Variants in ESRRB observed in about 807,000 individuals in gnomAD.
ESRRB encodes steroid hormone receptor ERR2.
ESRRB carries 16 observed loss-of-function variants against 46.0 expected under a neutral mutation model. The observed-to-expected ratio is 0.35, with a 90% CI of 0.24 to 0.53. The LOEUF (loss-of-function observed/expected upper bound fraction) is 0.53. Ranked by LOEUF, ESRRB falls within the 20% of genes least tolerant of loss-of-function variation. ESRRB has a pLI of 0.93. For missense variants in ESRRB, 488 were observed against 607.4 expected (o/e 0.80, Z 2.07); for synonymous variants, 246 against 259.6 (o/e 0.95, Z 0.50).
At chr14:76,433,212 G>C (rs916728490) in intron 1 of ESRRB, among the ~76,000 whole-genome samples, 1 of 152,144 alleles carries the variant, frequency 6.6e-6, no homozygotes, top group Non-Finnish European at 1.5e-5. Context: ...AAGCCCCTCA[G>C]CTGCCTCCGA....
At chr14:76,489,583 G>T (rs758498146) in intron 5 of ESRRB, among the ~76,000 whole-genome samples, 2 of 152,046 alleles carry the variant, frequency 1.3e-5, no homozygotes, top group Non-Finnish European at 2.9e-5. Flanking sequence ...ATCACCCATG[G>T]ATTCCATTAG....
intron 1 of ESRRB, among the ~76,000 whole-genome samples, chr14:76,427,170 G>A (rs920558319): frequency 9.2e-5 from 14 of 152,170 alleles, no homozygotes; most frequent in African/African-American, 2.9e-4. Context: ...CTCTTGAGCT[G>A]TCCATCTTAC....
intron 1 of ESRRB, among the ~76,000 whole-genome samples, chr14:76,346,022 T>C (rs2139755932): frequency 6.6e-6 from 1 of 152,254 alleles, no homozygotes; most frequent in Admixed American, 6.5e-5. Context: ...GATCTGTCCA[T>C]GCCTCTCTCC....
At chr14:76,361,949 G>A (rs746472720) in intron 1 of ESRRB, among the ~76,000 whole-genome samples, 3 of 152,164 alleles carry the variant, frequency 2.0e-5, no homozygotes, top group Admixed American at 6.5e-5. Context: ...TTGGGAATAG[G>A]AGCCTTATGA....
In ESRRB at chr14:76,376,351, T is replaced by C; in HGVS notation, c.-51T>C. On this transcript the variant is annotated 5_prime_UTR_variant, in exon 1 of 7. Coordinates refer to ENST00000644823, the MANE Select transcript of ESRRB (RefSeq NM_001379180.1). The surrounding 1 kb of genome is among the most constrained non-coding windows in gnomAD (Gnocchi z 4.1). The stretch of plus-strand genomic sequence containing the variant: ...CGTGCCCTTCACTCGCTCTTCCGCG[T>C]GATTTCCCCGCCGTCTTTCTCTACC... 8.2e-7 allele frequency: 1 copy of C among 1,214,492 alleles called. No homozygotes were observed. Among genetic ancestry groups the C allele is most frequent in the Non-Finnish European group, 1.0e-6 (1 of 972,318 alleles). 75.2% of individuals were successfully genotyped at this position (1,214,492 alleles called of 1,614,324 possible). A position where few individuals can be genotyped will look rare whatever the true frequency, so the allele number is the denominator to read the frequency against.
intron 1 of ESRRB, among the ~76,000 whole-genome samples, chr14:76,414,289 A>G (rs1039099700): frequency 7.1e-5 from 10 of 139,882 alleles, no homozygotes; most frequent in Non-Finnish European, 1.5e-4. Context: ...GCTCCACCCC[A>G]GCTGTGACCT....
Position 76,482,153 on chromosome 14 carries a change from T to A in ESRRB, c.688+27T>A. The A allele has an allele frequency of 6.6e-7, 1 of 1,515,440 alleles. No homozygotes were observed. Among genetic ancestry groups the A allele is most frequent in the Non-Finnish European group, 9.2e-7 (1 of 1,090,318 alleles). 93.9% of individuals were successfully genotyped at this position (1,515,440 alleles called of 1,614,324 possible). ...TGAGTGTCAGGGCAGTCCCTGCCCC[T>A]TTTGCCAGCATCTGTACCTGGAACA... On this transcript the variant is annotated intron_variant, in intron 4 of 6. Transcript: ENST00000644823. The surrounding 1 kb of genome is among the most constrained non-coding windows in gnomAD (Gnocchi z 4.3).
At chr14:76,469,212 A>G (rs1314649916) in intron 3 of ESRRB, among the ~76,000 whole-genome samples, 2 of 151,918 alleles carry the variant, frequency 1.3e-5, no homozygotes, top group Non-Finnish European at 2.9e-5. Context: ...TCCTGCCTCA[A>G]CTTCCCAAGT....
At chr14:76,311,305 CTT>C (rs1883730916) in intron 1 of ESRRB, among the ~76,000 whole-genome samples, 4 of 152,100 alleles carry the variant, frequency 2.6e-5, no homozygotes, top group Non-Finnish European at 5.9e-5. Flanking sequence ...AGCGTGAAAA[CTT>C]TTATTTGCTG....
At chr14:76,418,351 C>G (rs1225581685) in intron 1 of ESRRB, among the ~76,000 whole-genome samples, 1 of 152,166 alleles carries the variant, frequency 6.6e-6, no homozygotes, top group Admixed American at 6.5e-5. Flanking sequence ...TAACCCTTAT[C>G]TGGTTTTCAC....
chr14:76,353,466 G>A (rs1884338504), intron 1 of ESRRB, among the ~76,000 whole-genome samples: 2 of 152,128 alleles, frequency 1.3e-5, no homozygotes, highest in African/African-American at 4.8e-5. Context: ...CCTCTGTGTG[G>A]GTTTATTTAG....
intron 5 of ESRRB, 55 bp from the exon 6 acceptor site, chr14:76,491,392 C>A (rs1037963542): frequency 1.6e-5 from 26 of 1,578,284 alleles, no homozygotes; most frequent in Non-Finnish European, 2.0e-5. Flanking sequence ...CCCAGGGAGG[C>A]CCCTGGTCCG....
intron 1 of ESRRB, among the ~76,000 whole-genome samples, chr14:76,389,808 T>C (rs1885392728): frequency 6.6e-6 from 1 of 152,222 alleles, no homozygotes; most frequent in Non-Finnish European, 1.5e-5. Flanking sequence ...ATACATTGTA[T>C]TAAAAACAAA....
chr14:76,393,586 C>T (rs76733974), intron 1 of ESRRB, among the ~76,000 whole-genome samples: 1 of 152,166 alleles, frequency 6.6e-6, no homozygotes, highest in Non-Finnish European at 1.5e-5. Context: ...AACACAGAGG[C>T]CCCTGGCAGT....
chr14:76,352,733 T>G (rs1884328297), intron 1 of ESRRB, among the ~76,000 whole-genome samples: 1 of 152,240 alleles, frequency 6.6e-6, no homozygotes, highest in South Asian at 2.1e-4. Context: ...AGTTTGATAT[T>G]ACTAGTGTAA....
intron 6 of ESRRB, 57 bp downstream of exon 6, chr14:76,491,773 T>G: frequency 6.6e-7 from 1 of 1,516,134 alleles, no homozygotes. Context: ...ATGGGCCTAA[T>G]GAGCCCATCC....
intron 3 of ESRRB, among the ~76,000 whole-genome samples, chr14:76,467,888 G>A (rs1257660404): frequency 6.6e-6 from 1 of 151,938 alleles, no homozygotes; most frequent in Non-Finnish European, 1.5e-5. Flanking sequence ...CCTCCCTCAC[G>A]CGACCGGCCT....
intron 1 of ESRRB, among the ~76,000 whole-genome samples, chr14:76,416,978 G>A (rs533945410): frequency 1.3e-5 from 2 of 152,124 alleles, no homozygotes; most frequent in African/African-American, 4.8e-5. Context: ...AAGATGTAGA[G>A]TATATGAAAT....
chr14:76,417,865 G>A (rs908595257), intron 1 of ESRRB, among the ~76,000 whole-genome samples: 1 of 151,868 alleles, frequency 6.6e-6, no homozygotes, highest in Admixed American at 6.6e-5. Flanking sequence ...CAGGTGCCTC[G>A]TGAGGACAGG....
Sources: allele counts gnomAD v4.1 joint callset (sites outside exome capture counted in the v4.1 genomes callset), GRCh38; gene constraint gnomAD v4.1.1; non-coding constraint Gnocchi (gnomAD v3.1); transcripts MANE v1.5; gene names NCBI Gene and HGNC (gene_info 2026-07-23, HGNC 2026-07-21).